Variants in RELB observed in about 807,000 individuals in gnomAD.
The protein encoded by RELB is RELB proto-oncogene, NF-kB subunit, also known as transcription factor RelB.
RELB carries 14 observed loss-of-function variants against 55.4 expected under a neutral mutation model. The ratio of observed to expected loss-of-function variants is 0.25; its 90% CI spans 0.17 to 0.40. The LOEUF is 0.40. Ranked by LOEUF, RELB falls within the 10% of genes least tolerant of loss-of-function variation. The pLI is 1.00. For missense variants in RELB, 669 were observed against 830.7 expected (o/e 0.81, Z 2.39); for synonymous variants, 409 against 371.3 (o/e 1.10, Z -1.17).
At chr19:45,037,298 A>G in intron 11 of RELB, 107 bp from the exon 12 acceptor site, 3 of 1,170,256 alleles carry the variant, frequency 2.6e-6, no homozygotes, top group Non-Finnish European at 3.5e-6. Context: ...AAAAAAAAAA[A>G]GGCCACCTTG....
chr19:45,006,806 C>T (rs764029704), intron 2 of RELB, among the ~76,000 whole-genome samples: 1 of 151,146 alleles, frequency 6.6e-6, no homozygotes, highest in Non-Finnish European at 1.5e-5. Context: ...ACTAAAAATA[C>T]GAAAATTAGC....
chr19:45,011,911 C>G, intron 3 of RELB, 25 bp from the exon 4 acceptor site: 1 of 1,412,338 alleles, frequency 7.1e-7, no homozygotes, highest in Non-Finnish European at 9.3e-7. Flanking sequence ...ATGGGCGTCA[C>G]CACCCGTTTT....
chr19:45,024,901 C>A (rs2122465069), intron 5 of RELB, among the ~76,000 whole-genome samples: 1 of 151,744 alleles, frequency 6.6e-6, no homozygotes, highest in South Asian at 2.1e-4. Context: ...ACTCTGTTGC[C>A]CAGGCTGGAG....
chr19:45,012,114 A>G lies in RELB; in HGVS notation c.342A>G (p.Leu114=). 6.4e-7 allele frequency: 1 copy of G among 1,558,454 alleles called. No homozygotes were observed. The highest frequency in any genetic ancestry group is 1.2e-5 in the South Asian group (1 of 84,710). The change falls in exon 4 of 12, where the codon CTA becomes CTG. Residue 114 remains leucine (L), a synonymous_variant. Coordinates refer to ENST00000221452, the MANE Select transcript of RELB (RefSeq NM_006509.4). ...CTTGGGGCTGCCCCCTGGGCCGACT[A>G]GTGTCCCCAGCGCCGGGCCCGGGCC... is the stretch of plus-strand genomic sequence containing the variant. ...PPPWGCPLGR[L]VSPAPGPGPQ... is the part of the protein sequence containing the mutation.
intron 8 of RELB, 54 bp downstream of exon 8, chr19:45,029,046 G>T: frequency 8.2e-7 from 1 of 1,216,272 alleles, no homozygotes. Flanking sequence ...CAACTTGGAG[G>T]GGTAGCCAGG....
intron 8 of RELB, among the ~76,000 whole-genome samples, chr19:45,030,497 T>C (rs1367628953): frequency 6.6e-6 from 1 of 152,084 alleles, no homozygotes; most frequent in Non-Finnish European, 1.5e-5. Context: ...CTGGGTGTGG[T>C]GGAACACACC....
chr19:45,025,079 G>C (rs1317071218), intron 5 of RELB, among the ~76,000 whole-genome samples: 1 of 151,480 alleles, frequency 6.6e-6, no homozygotes, highest in Non-Finnish European at 1.5e-5. Context: ...TGCTGGTCTT[G>C]AACTACTGAC....
At chr19:45,035,687 G>A (rs1445144598) in intron 11 of RELB, among the ~76,000 whole-genome samples, 1 of 152,054 alleles carries the variant, frequency 6.6e-6, no homozygotes, top group Non-Finnish European at 1.5e-5. Flanking sequence ...TTAGCTGGAT[G>A]TGGTGGCACA....
chr19:45,022,640 C>T (rs897507429), intron 5 of RELB, among the ~76,000 whole-genome samples: 29 of 151,616 alleles, frequency 1.9e-4, no homozygotes, highest in African/African-American at 4.1e-4. Flanking sequence ...CTCCACCTCC[C>T]GGATTCAAGT....
intron 4 of RELB, among the ~76,000 whole-genome samples, chr19:45,017,450 A>AAAAAAAAAAAAAACAAAAAAAAAC (rs1971433118): frequency 6.9e-5 from 2 of 28,960 alleles, no homozygotes; most frequent in African/African-American, 2.1e-4. Context: ...GAATCTGTCT[A>AAAAAAAAAAAAAACAAAAAAAAAC]AAAAAAAAAA....
At chr19:45,007,736 TA>T (rs369438844) in intron 2 of RELB, among the ~76,000 whole-genome samples, 14 of 152,102 alleles carry the variant, frequency 9.2e-5, no homozygotes, top group South Asian at 8.3e-4. Flanking sequence ...TACGAGACTG[TA>T]ATCCCAGCTA....
chr19:45,015,077 A>G (rs1971406794), intron 4 of RELB, among the ~76,000 whole-genome samples: 1 of 151,542 alleles, frequency 6.6e-6, no homozygotes, highest in Non-Finnish European at 1.5e-5. Context: ...TAATTTTTGT[A>G]TTTTTAGTAG....
rs116228101 is a variant in RELB at position 45,025,156 on chromosome 19, C to T, written c.663-173C>T. 1.5e-3 allele frequency among the ~76,000 whole-genome samples: 234 copies of T among 152,056 alleles called. 1 individual carries two copies. The highest frequency in any genetic ancestry group is 5.3e-3 in the African/African-American group (222 of 41,504). On this transcript the variant is annotated intron_variant, in intron 5 of 11. Transcript: ENST00000221452. ...TTACAGGTGTGAGCCACCGCGCTGGCCTTCTGAGAGGTTTAAACCCCAGAC... is the reference window on the plus strand; with the variant it reads ...TTACAGGTGTGAGCCACCGCGCTGGTCTTCTGAGAGGTTTAAACCCCAGAC...
chr19:45,028,846 G>A (rs1224906647), intron 7 of RELB, 42 bp from the exon 8 acceptor site: 26 of 1,516,170 alleles, frequency 1.7e-5, no homozygotes, highest in South Asian at 3.6e-5. Flanking sequence ...CTGAATTCTC[G>A]GGATTTTTTT....
intron 7 of RELB, 106 bp from the exon 8 acceptor site, chr19:45,028,782 G>A (rs756246065): frequency 2.9e-5 from 23 of 804,296 alleles, no homozygotes; most frequent in South Asian, 4.8e-5. Context: ...AATTCCCTAC[G>A]TCTCCAGGGC....
Position 45,011,756 on chromosome 19 carries a change from C to CTGTGTGTGTGTGTGTG in RELB, c.164-153_164-138dup, listed in dbSNP as rs199579874. ...GCCACCGCACCTGGCCTCCCTGACT[C>CTGTGTGTGTGTGTGTG]TGTGTGTGTGTGTGTGTGTGTGTGT... On this transcript the variant is annotated intron_variant, in intron 3 of 11. Coordinates refer to ENST00000221452, the MANE Select transcript of RELB (RefSeq NM_006509.4). Among the ~76,000 whole-genome samples, 113 of 59,900 alleles carry CTGTGTGTGTGTGTGTG rather than the reference C, an allele frequency of 1.9e-3. 6 individuals carry two copies. Among genetic ancestry groups the CTGTGTGTGTGTGTGTG allele is most frequent in the Admixed American group, 0.01 (42 of 4,026 alleles). 39.3% of individuals were successfully genotyped at this position (59,900 alleles called of 152,430 possible).
At chr19:45,018,204 A>C (rs1971443550) in intron 4 of RELB, among the ~76,000 whole-genome samples, 1 of 151,978 alleles carries the variant, frequency 6.6e-6, no homozygotes, top group African/African-American at 2.4e-5. Flanking sequence ...GGAGGTGGAG[A>C]CCATCCTGGC....
At chr19:45,023,913 G>GCC (rs1568402260) in intron 5 of RELB, among the ~76,000 whole-genome samples, 7 of 149,612 alleles carry the variant, frequency 4.7e-5, no homozygotes, top group African/African-American at 1.5e-4. Flanking sequence ...ACCACACCTG[G>GCC]CTAATTTTTG....
chr19:45,013,987 G>A (rs892541848), intron 4 of RELB, among the ~76,000 whole-genome samples: 1 of 152,040 alleles, frequency 6.6e-6, no homozygotes, highest in Non-Finnish European at 1.5e-5. Context: ...GTGGGATGTC[G>A]TTATTCCCAA....
Sources: allele counts gnomAD v4.1 joint callset (sites outside exome capture counted in the v4.1 genomes callset), GRCh38; gene constraint gnomAD v4.1.1; transcripts MANE v1.5; gene names NCBI Gene and HGNC (gene_info 2026-07-23, HGNC 2026-07-21).